Variants in BRD1 observed in about 807,000 individuals in gnomAD.
BRD1 encodes the protein bromodomain containing 1, also known as bromodomain-containing protein 1.
In BRD1, 24 loss-of-function variants were observed where a neutral mutation model predicts 107.7. The observed-to-expected ratio is 0.22, with a 90% CI of 0.16 to 0.31. BRD1 has a LOEUF of 0.31. Ranked by LOEUF, BRD1 falls within the 10% of genes least tolerant of loss-of-function variation. The pLI is 1.00. For synonymous variants in BRD1, 744 were observed against 686.1 expected (o/e 1.08, Z -1.32); for missense variants, 1,279 against 1,638.6 (o/e 0.78, Z 3.79).
chr22:49,810,470 C>T (rs934638972), intron 2 of BRD1, among the ~76,000 whole-genome samples: 2 of 152,182 alleles, frequency 1.3e-5, no homozygotes, highest in Non-Finnish European at 2.9e-5. Flanking sequence ...GAAGAGAAAG[C>T]AGATAAACTG....
chr22:49,776,034 C>A lies in BRD1; in HGVS notation c.3231+16G>T, dbSNP rs193184062. 1.3e-6 allele frequency: 2 copies of A among 1,599,478 alleles called. No individual in the cohort carries two copies. The highest frequency in any genetic ancestry group is 8.5e-7 in the Non-Finnish European group (1 of 1,177,992). On this transcript the variant is annotated intron_variant, in intron 11 of 12. Coordinates refer to ENST00000404760, the MANE Select transcript of BRD1 (RefSeq NM_001304808.3). The stretch of plus-strand genomic sequence containing the variant: ...GCCTCCTCTGGACCCGCAGGCGCCA[C>A]GAGAGCCGTACTCACCAGTGCCGGG...
At chr22:49,816,053 C>A (rs2147325526) in intron 2 of BRD1, among the ~76,000 whole-genome samples, 1 of 152,288 alleles carries the variant, frequency 6.6e-6, no homozygotes, top group Admixed American at 6.5e-5. Flanking sequence ...CATGCACCCA[C>A]ACCGCCCGGG....
chr22:49,794,550 G>A (rs985426662), intron 6 of BRD1, among the ~76,000 whole-genome samples: 5 of 152,344 alleles, frequency 3.3e-5, no homozygotes, highest in East Asian at 3.9e-4. Flanking sequence ...AAGGGGCAGC[G>A]TCCAGGTAAG....
chr22:49,827,450 C>A (rs1270620875), intron 1 of BRD1, 47 bp downstream of exon 1: 1 of 144,880 alleles, frequency 6.9e-6, no homozygotes, highest in Admixed American at 6.8e-5. Flanking sequence ...CCGGGCGGCC[C>A]GCGAGGCGGC....
At chr22:49,778,420 C>T (rs1158216679) in intron 8 of BRD1, among the ~76,000 whole-genome samples, 1 of 152,248 alleles carries the variant, frequency 6.6e-6, no homozygotes, top group Non-Finnish European at 1.5e-5. Context: ...TGGCCTCACT[C>T]ACCATGAAGC....
chr22:49,802,968 C>T (rs1014386630), intron 3 of BRD1, among the ~76,000 whole-genome samples: 5 of 152,234 alleles, frequency 3.3e-5, no homozygotes, highest in Non-Finnish European at 5.9e-5. Flanking sequence ...CAGACCTGCC[C>T]GGGGAGCCCC....
chr22:49,798,505 A>C (rs2059578450), intron 5 of BRD1, 53 bp downstream of exon 5: 1 of 1,614,004 alleles, frequency 6.2e-7, no homozygotes, highest in Admixed American at 1.7e-5. Context: ...AAACGGCAGC[A>C]CAAATCCACA....
chr22:49,818,938 G>A (rs1294631049), intron 2 of BRD1, among the ~76,000 whole-genome samples: 2 of 152,030 alleles, frequency 1.3e-5, no homozygotes, highest in Non-Finnish European at 2.9e-5. Context: ...AATAAAAACT[G>A]ATGTATGCTG....
rs1366144565 is a variant in BRD1, at chr22:49,827,777, C to A, written c.-295G>T. 8.4e-5 allele frequency among the ~76,000 whole-genome samples: 12 copies of A among 142,264 alleles called. No homozygotes were observed. Among genetic ancestry groups the A allele is most frequent in the African/African-American group, 2.8e-4 (11 of 39,386 alleles). 93.3% of individuals were successfully genotyped at this position (142,264 alleles called of 152,430 possible). On this transcript the variant is annotated 5_prime_UTR_variant, in exon 1 of 13. Coordinates refer to ENST00000404760, the MANE Select transcript of BRD1 (RefSeq NM_001304808.3). Reference sequence around the variant, plus strand: ...CCCGGCCGGCGGGCGCGGGCGCGGGCGCGGGAGCGGGCGGCGGGCGGCGGG... The same window carrying A: ...CCCGGCCGGCGGGCGCGGGCGCGGGAGCGGGAGCGGGCGGCGGGCGGCGGG...
Position 49,798,969 on chromosome 22 carries a change from G to A in BRD1, c.1656+19C>T, listed in dbSNP as rs764415848. ...CCGTGGCCAGTGGTGCACTCCACGC[G>A]GGACAGGCCCAGCCCCACCTGCTCA... On this transcript the variant is annotated intron_variant, in intron 4 of 12. Coordinates refer to ENST00000404760, the MANE Select transcript of BRD1 (RefSeq NM_001304808.3). The A allele has an allele frequency of 3.1e-5, 50 of 1,590,370 alleles. No individual in the cohort carries two copies. Among genetic ancestry groups the A allele is most frequent in the Middle Eastern group, 3.9e-4 (2 of 5,190 alleles).
intron 8 of BRD1, among the ~76,000 whole-genome samples, chr22:49,787,166 C>A (rs1159624875): frequency 1.3e-5 from 2 of 152,206 alleles, no homozygotes; most frequent in African/African-American, 2.4e-5. Flanking sequence ...CAAGGTTGCA[C>A]AATCTCTCGT....
chr22:49,800,343 T>C (rs1350804348), intron 3 of BRD1, among the ~76,000 whole-genome samples: 1 of 152,114 alleles, frequency 6.6e-6, no homozygotes, highest in Non-Finnish European at 1.5e-5. Context: ...TCTCTGGGTT[T>C]TCCTCAATGC....
intron 2 of BRD1, among the ~76,000 whole-genome samples, chr22:49,810,138 AAGAG>A (rs1415645648): frequency 6.6e-6 from 1 of 152,192 alleles, no homozygotes; most frequent in Non-Finnish European, 1.5e-5. Context: ...AAAAGAAAGA[AAGAG>A]AAAGAAAGAA....
chr22:49,826,547 G>A (rs1219153285), intron 1 of BRD1, among the ~76,000 whole-genome samples: 2 of 152,234 alleles, frequency 1.3e-5, no homozygotes, highest in Non-Finnish European at 2.9e-5. Flanking sequence ...CACAGGCGGG[G>A]AAGGCTGCCC....
chr22:49,785,101 C>T (rs552752605), intron 8 of BRD1, among the ~76,000 whole-genome samples: 129 of 152,384 alleles, frequency 8.5e-4, no homozygotes, highest in African/African-American at 2.9e-3. Flanking sequence ...AAACACTCCA[C>T]TCCAATGTAA....
At chr22:49,810,628 A>G (rs1402778468) in intron 2 of BRD1, among the ~76,000 whole-genome samples, 1 of 152,242 alleles carries the variant, frequency 6.6e-6, no homozygotes, top group Admixed American at 6.5e-5. Context: ...TGACAACAGT[A>G]AGAAGTCAGC....
Position 49,794,104 on chromosome 22 carries a change from C to A in BRD1, c.2289G>T (p.Leu763=). The A allele has an allele frequency of 1.9e-6, 3 of 1,614,222 alleles. No homozygotes were observed. The highest frequency in any genetic ancestry group is 2.5e-6 in the Non-Finnish European group (3 of 1,180,046). Residue 763 remains leucine (L), a synonymous_variant, in exon 7 of 13, where the codon CTG becomes CTT. Transcript: ENST00000404760. ...AGCCTTCCAAGCCTGGCCCCGTGGG[C>A]AGGGGCTGGCTGTGCTGCTGGCTCA... The part of the protein sequence containing the change: ...NKLSQQHSQP[L]PTGPGLEGFE...
chr22:49,783,775 G>A lies in BRD1; in HGVS notation c.2857+3615C>T, dbSNP rs2059263041. Among the ~76,000 whole-genome samples, 1 of 152,194 alleles carries A rather than the reference G, an allele frequency of 6.6e-6. No homozygotes were observed. Among genetic ancestry groups the A allele is most frequent in the Non-Finnish European group, 1.5e-5 (1 of 68,036 alleles). ...TGGGGTGGGGGAGAGCTCCTCCAGG[G>A]CTGCTGTTTGTGATTTTGTCTAGAG... On this transcript the variant is annotated intron_variant, in intron 8 of 12. Coordinates refer to ENST00000404760, the MANE Select transcript of BRD1 (RefSeq NM_001304808.3). The surrounding 1 kb of genome is among the most constrained non-coding windows in gnomAD (Gnocchi z 4.2).
chr22:49,822,902 G>C (rs1011370161), intron 2 of BRD1, 49 bp downstream of exon 2: 5 of 1,587,988 alleles, frequency 3.1e-6, no homozygotes, highest in Non-Finnish European at 4.3e-6. Flanking sequence ...GTCCTCCCAG[G>C]GTCCCACACT....
Sources: allele counts gnomAD v4.1 joint callset (sites outside exome capture counted in the v4.1 genomes callset), GRCh38; gene constraint gnomAD v4.1.1; non-coding constraint Gnocchi (gnomAD v3.1); transcripts MANE v1.5; gene names NCBI Gene and HGNC (gene_info 2026-07-23, HGNC 2026-07-21).